The following IL6R variants were observed in gnomAD, a reference collection of about 807,000 sequenced individuals.
IL6R encodes interleukin 6 receptor, also known as interleukin-6 receptor subunit alpha.
A neutral mutation model predicts 48.3 loss-of-function variants in IL6R; 38 were observed. That is an observed-to-expected ratio of 0.79 (90% CI 0.61 to 1.03). IL6R has a LOEUF of 1.03. IL6R is among the 50% of genes least tolerant of loss of function. The pLI, the probability that IL6R is intolerant of heterozygous loss-of-function variation, is 0.00. For missense variants in IL6R, 534 were observed against 618.3 expected (o/e 0.86, Z 1.45); for synonymous variants, 264 against 256.2 (o/e 1.03, Z -0.29).
intron 6 of IL6R, among the ~76,000 whole-genome samples, chr1:154,447,654 G>A (rs1008171725): frequency 2.7e-5 from 4 of 150,390 alleles, no homozygotes; most frequent in African/African-American, 7.4e-5. Flanking sequence ...AGTCCCTTAC[G>A]GTTGGATATT....
chr1:154,430,161 G>A (rs757925340), intron 2 of IL6R, among the ~76,000 whole-genome samples: 12 of 152,266 alleles, frequency 7.9e-5, no homozygotes, highest in East Asian at 1.9e-4. Flanking sequence ...GCCCAAGGCC[G>A]CACAGCCAGG....
At chr1:154,462,945 T>C (rs942007711) in intron 9 of IL6R, among the ~76,000 whole-genome samples, 10 of 152,126 alleles carry the variant, frequency 6.6e-5, no homozygotes, top group Non-Finnish European at 1.2e-4. Context: ...GTAGCTGGGA[T>C]TACAGGCATG....
At chr1:154,425,349 T>C (rs1332152203) in intron 1 of IL6R, among the ~76,000 whole-genome samples, 1 of 152,140 alleles carries the variant, frequency 6.6e-6, no homozygotes, top group East Asian at 1.9e-4. Context: ...AGAAAGTTGA[T>C]AGCCACCCTC....
chr1:154,430,188 G>C (rs191334213), intron 2 of IL6R, among the ~76,000 whole-genome samples: 1 of 152,310 alleles, frequency 6.6e-6, no homozygotes, highest in Non-Finnish European at 1.5e-5. Flanking sequence ...TGACTCCAAA[G>C]CCCTTTTTTT....
chr1:154,411,722 G>A (rs1168750783), intron 1 of IL6R, among the ~76,000 whole-genome samples: 2 of 152,122 alleles, frequency 1.3e-5, no homozygotes, highest in African/African-American at 4.8e-5. Flanking sequence ...ACTTTTTGAG[G>A]CCGGATGTGG....
At chr1:154,443,940 C>T (rs1048971550) in intron 6 of IL6R, among the ~76,000 whole-genome samples, 36 of 152,126 alleles carry the variant, frequency 2.4e-4, no homozygotes, top group African/African-American at 8.7e-4. Context: ...GGACACCCCA[C>T]CCACCCAGCT....
chr1:154,455,286 G>C (rs116282267), intron 9 of IL6R, among the ~76,000 whole-genome samples: 1 of 152,006 alleles, frequency 6.6e-6, no homozygotes, highest in South Asian at 2.1e-4. Context: ...CTGTGAAGGG[G>C]GCGCAGCACG....
intron 9 of IL6R, among the ~76,000 whole-genome samples, chr1:154,456,484 G>A (rs552544150): frequency 8.5e-5 from 13 of 152,294 alleles, no homozygotes; most frequent in African/African-American, 3.1e-4. Context: ...TGGGATTACA[G>A]GCGTGAGCCA....
In IL6R at chr1:154,466,432, T is replaced by G. The variant is rs1424170476; in HGVS notation, c.*1052T>G. On this transcript the variant is annotated 3_prime_UTR_variant, in exon 10 of 10. Transcript: ENST00000368485. ...TTAAACTTGGTTTTTAAAAAACTGC[T>G]GACTGTTTTCTCTTGAGAGGGTGGA... The G allele has an allele frequency of 1.3e-5, 2 of 152,270 alleles. No individual in the cohort carries two copies. The highest frequency in any genetic ancestry group is 2.9e-5 in the Non-Finnish European group (2 of 68,048). 9.4% of individuals were successfully genotyped at this position (152,270 alleles called of 1,614,324 possible).
At chr1:154,414,326 A>C in intron 1 of IL6R, 1 of 1,065,540 alleles carries the variant, frequency 9.4e-7, no homozygotes, top group African/African-American at 1.6e-5. Flanking sequence ...AACTGTTTTA[A>C]ATAATGTGTG....
chr1:154,413,215 T>C (rs186667824), intron 1 of IL6R, among the ~76,000 whole-genome samples: 218 of 152,344 alleles, frequency 1.4e-3, no homozygotes, highest in African/African-American at 5.1e-3. Flanking sequence ...TTGGCCAGGC[T>C]GGTCTCAAAC....
At position 154,465,640 on chromosome 1, in the gene IL6R, C is replaced by T. The variant is rs1691521109; in HGVS notation, c.*260C>T. On this transcript the variant is annotated 3_prime_UTR_variant, in exon 10 of 10. Coordinates refer to ENST00000368485, the MANE Select transcript of IL6R (RefSeq NM_000565.4). ...GAACTTGGGCCACTGTGAAGAGAAC[C>T]ATATCAAGACTCTTTGGACACTCAC... 1 of 501,618 alleles carries T rather than the reference C, an allele frequency of 2.0e-6. No individual in the cohort carries two copies. Among genetic ancestry groups the T allele is most frequent in the Non-Finnish European group, 3.6e-6 (1 of 275,400 alleles). 31.1% of individuals were successfully genotyped at this position (501,618 alleles called of 1,614,324 possible).
At chr1:154,418,579 A>C (rs1570931742) in intron 1 of IL6R, 1 of 205,368 alleles carries the variant, frequency 4.9e-6, no homozygotes, top group African/African-American at 2.4e-5. Context: ...GAGTCAGAGA[A>C]GGTTGCTGGG....
chr1:154,457,077 C>T (rs1055391478), intron 9 of IL6R, among the ~76,000 whole-genome samples: 2 of 151,960 alleles, frequency 1.3e-5, no homozygotes, highest in Non-Finnish European at 2.9e-5. Context: ...AATCCCAACA[C>T]TTTGGGAGGC....
chr1:154,465,286 G>C lies in IL6R; in HGVS notation c.1313G>C (p.Gly438Ala). Reference sequence around the variant, plus strand: ...CCACCGGTGTCCCCCAGCAGCCTGGGGTCTGACAATACCTCGAGCCACAAC... The same window carrying C: ...CCACCGGTGTCCCCCAGCAGCCTGGCGTCTGACAATACCTCGAGCCACAAC... ...ISPPVSPSSL[G>A]SDNTSSHNRP... Residue 438 changes from glycine to alanine, a missense_variant, in exon 10 of 10, where the codon GGG (glycine) becomes GCG (alanine). By Grantham distance (60) the Gly-to-Ala change is moderately conservative (BLOSUM62 0). Coordinates refer to ENST00000368485, the MANE Select transcript of IL6R (RefSeq NM_000565.4). 1 of 1,614,102 alleles carries C rather than the reference G, an allele frequency of 6.2e-7. No homozygotes were observed. Among genetic ancestry groups the C allele is most frequent in the Non-Finnish European group, 8.5e-7 (1 of 1,180,030 alleles).
chr1:154,459,850 A>G (rs985727867), intron 9 of IL6R, among the ~76,000 whole-genome samples: 7 of 152,182 alleles, frequency 4.6e-5, no homozygotes, highest in African/African-American at 1.7e-4. Context: ...AGCTTACATC[A>G]TTAAGTGAGG....
chr1:154,452,980 G>A (rs12126142), intron 8 of IL6R, among the ~76,000 whole-genome samples: 48,651 of 151,900 alleles, frequency 0.32, 9,028 homozygotes, highest in Admixed American at 0.49. Flanking sequence ...CGAGGTGGGC[G>A]GATCACCTAA....
At chr1:154,426,636 G>T (rs1688991393) in intron 1 of IL6R, among the ~76,000 whole-genome samples, 1 of 152,072 alleles carries the variant, frequency 6.6e-6, no homozygotes, top group African/African-American at 2.4e-5. Context: ...AGGGATGTAT[G>T]GGTAGTGAAA....
intron 9 of IL6R, among the ~76,000 whole-genome samples, chr1:154,455,870 A>G (rs1690850536): frequency 5.9e-5 from 9 of 152,072 alleles, no homozygotes; most frequent in Middle Eastern, 3.4e-3. Flanking sequence ...CAGCCTGGCC[A>G]AAATGATAAA....
Sources: allele counts gnomAD v4.1 joint callset (sites outside exome capture counted in the v4.1 genomes callset), GRCh38; gene constraint gnomAD v4.1.1; transcripts MANE v1.5; gene names NCBI Gene and HGNC (gene_info 2026-07-23, HGNC 2026-07-21).